The following KAZN variants were observed in gnomAD, a reference collection of about 807,000 sequenced individuals.
KAZN encodes the protein kazrin.
A neutral mutation model predicts 87.4 loss-of-function variants in KAZN; 40 were observed. The ratio of observed to expected loss-of-function variants is 0.46; its 90% CI spans 0.36 to 0.60. The LOEUF is 0.60. Ranked by LOEUF, KAZN falls within the 20% of genes least tolerant of loss-of-function variation. The pLI is 0.00. For synonymous variants in KAZN, 466 were observed against 458.3 expected, an observed-to-expected ratio of 1.02 and a Z score of -0.22; for missense variants, 898 against 1,073.9, an observed-to-expected ratio of 0.84 and a Z score of 2.29.
At chr1:14,591,407 G>C (rs12116479) in intron 2 of KAZN, among the ~76,000 whole-genome samples, 21,704 of 144,754 alleles carry the variant, frequency 0.15, 1,914 homozygotes, top group East Asian at 0.27. Flanking sequence ...GCCCCGAACA[G>C]GGAAAGAAGA....
At chr1:14,587,157 C>T (rs150998373) in intron 2 of KAZN, among the ~76,000 whole-genome samples, 2 of 152,224 alleles carry the variant, frequency 1.3e-5, no homozygotes, top group East Asian at 3.9e-4. Flanking sequence ...CAAAAGGGGC[C>T]AGGCGCGGTG....
intron 1 of KAZN, among the ~76,000 whole-genome samples, chr1:13,949,668 G>A (rs1370718346): frequency 6.6e-6 from 1 of 152,112 alleles, no homozygotes; most frequent in Non-Finnish European, 1.5e-5. Context: ...ATTCAAAAAG[G>A]TCTCCTATTA....
chr1:14,351,531 C>T (rs919372167), intron 2 of KAZN, among the ~76,000 whole-genome samples: 1 of 152,164 alleles, frequency 6.6e-6, no homozygotes, highest in Non-Finnish European at 1.5e-5. Context: ...TGCACTCCAG[C>T]CTGGCGACAG....
intron 2 of KAZN, among the ~76,000 whole-genome samples, chr1:14,466,766 A>T (rs1668163968): frequency 6.6e-6 from 1 of 152,118 alleles, no homozygotes; most frequent in Non-Finnish European, 1.5e-5. Context: ...CAGGAGATGG[A>T]GACCATCCTG....
chr1:14,651,469 T>C (rs1477019837), intron 1 of KAZN, among the ~76,000 whole-genome samples: 1 of 152,162 alleles, frequency 6.6e-6, no homozygotes, highest in Non-Finnish European at 1.5e-5. Flanking sequence ...GAGGTCACCC[T>C]GTCTCCTCTT....
intron 1 of KAZN, among the ~76,000 whole-genome samples, chr1:14,671,579 T>C (rs936269904): frequency 1.3e-5 from 2 of 152,330 alleles, no homozygotes; most frequent in Middle Eastern, 3.4e-3. Flanking sequence ...CACTTATTTA[T>C]TGCTTTTCAG....
intron 2 of KAZN, among the ~76,000 whole-genome samples, chr1:14,514,809 G>A (rs1044460641): frequency 6.6e-6 from 1 of 151,252 alleles, no homozygotes; most frequent in Non-Finnish European, 1.5e-5. Context: ...TTCATAAAAT[G>A]GAACTAATAA....
chr1:14,712,022 GCAAAGA>G (rs1557907736), intron 1 of KAZN, among the ~76,000 whole-genome samples: 1 of 152,142 alleles, frequency 6.6e-6, no homozygotes, highest in East Asian at 1.9e-4. Context: ...AATTGAAAAG[GCAAAGA>G]AGCCAGAAAC....
intron 1 of KAZN, among the ~76,000 whole-genome samples, chr1:14,075,915 G>A (rs1044531573): frequency 2.0e-5 from 3 of 152,138 alleles, no homozygotes; most frequent in Middle Eastern, 3.2e-3. Context: ...CTTGGAATGT[G>A]ACCTTATTTA....
chr1:14,935,496 A>T (rs983657192), intron 1 of KAZN, among the ~76,000 whole-genome samples: 3 of 151,964 alleles, frequency 2.0e-5, no homozygotes, highest in Non-Finnish European at 2.9e-5. Flanking sequence ...GCCCGAGAAC[A>T]TATTAGAAAT....
Position 14,960,956 on chromosome 1 carries a change from G to A in KAZN, c.418+81G>A. The A allele has an allele frequency of 4.3e-6, 6 of 1,399,596 alleles. No individual in the cohort carries two copies. The South Asian group carries it at 8.6e-5, about 20-fold the overall frequency. 86.7% of individuals were successfully genotyped at this position (1,399,596 alleles called of 1,614,324 possible). A position where few individuals can be genotyped will look rare whatever the true frequency, so the allele number is the denominator to read the frequency against. On this transcript the variant is annotated intron_variant, in intron 2 of 14. Transcript: ENST00000376030. ...GGAGTCCTCCCCATGCAGGGGAAGT[G>A]ACGCAGATGGACACAGGGGTCTCCC...
intron 1 of KAZN, among the ~76,000 whole-genome samples, chr1:14,022,368 G>A (rs1320967832): frequency 6.6e-6 from 1 of 151,228 alleles, no homozygotes; most frequent in African/African-American, 2.4e-5. Context: ...TCAATTATAA[G>A]AGAATTGCAA....
intron 1 of KAZN, among the ~76,000 whole-genome samples, chr1:14,066,991 T>C (rs918054492): frequency 4.6e-5 from 7 of 152,192 alleles, no homozygotes; most frequent in African/African-American, 1.7e-4. Flanking sequence ...CTTCCTTGAC[T>C]ACCCTATCTC....
chr1:15,098,719 A>G (rs967669756), intron 10 of KAZN, among the ~76,000 whole-genome samples: 7 of 152,140 alleles, frequency 4.6e-5, no homozygotes, highest in African/African-American at 1.4e-4. Flanking sequence ...TTTTCATCCT[A>G]GAAGGGAGGT....
intron 1 of KAZN, among the ~76,000 whole-genome samples, chr1:14,836,594 C>G (rs554453686): frequency 1.3e-5 from 2 of 152,266 alleles, no homozygotes; most frequent in Admixed American, 6.5e-5. Flanking sequence ...CCACTTTGGT[C>G]TCTTCCTCTC....
At chr1:14,110,321 C>G (rs1644473709) in intron 1 of KAZN, among the ~76,000 whole-genome samples, 1 of 152,198 alleles carries the variant, frequency 6.6e-6, no homozygotes, top group African/African-American at 2.4e-5. Flanking sequence ...CCAAATCCCT[C>G]ATTACATAAG....
At chr1:13,926,652 T>TAA (rs60345092) in intron 1 of KAZN, among the ~76,000 whole-genome samples, 5 of 145,046 alleles carry the variant, frequency 3.4e-5, no homozygotes, top group Admixed American at 7.0e-5. Context: ...CTTTAAGAGT[T>TAA]AAAAAAAAAA....
At chr1:14,225,583 G>A (rs1167618706) in intron 2 of KAZN, among the ~76,000 whole-genome samples, 1 of 152,058 alleles carries the variant, frequency 6.6e-6, no homozygotes, top group Admixed American at 6.6e-5. Context: ...GCAAGCCTAA[G>A]CAAAAAGAAC....
Position 14,479,615 on chromosome 1 carries a change from C to G in KAZN, c.250-119368C>G, listed in dbSNP as rs184630010. 3.3e-5 allele frequency among the ~76,000 whole-genome samples: 5 copies of G among 152,262 alleles called. No homozygotes were observed. The East Asian group carries it at 9.7e-4, about 29-fold the overall frequency. Reference sequence around the variant, plus strand: ...CTAATTCATCTTTTGAAACTTTTCCCTGACAATCCTAGGCAGAGTTAGACA... The same window carrying G: ...CTAATTCATCTTTTGAAACTTTTCCGTGACAATCCTAGGCAGAGTTAGACA... On this transcript the variant is annotated intron_variant, in intron 2 of 16. Coordinates refer to the KAZN transcript ENST00000636203.
Sources: gnomAD v4.1 joint callset for allele counts (sites outside exome capture counted in the v4.1 genomes callset) on GRCh38, gnomAD v4.1.1 for gene constraint, MANE v1.5 for transcripts, NCBI Gene and HGNC (gene_info 2026-07-23, HGNC 2026-07-21) for gene names.